IDH3A: variants seen among roughly 807,000 people sequenced by gnomAD.
IDH3A encodes isocitrate dehydrogenase [NAD] subunit alpha, mitochondrial.
In IDH3A, 23 loss-of-function variants were observed where a neutral mutation model predicts 43.3. The observed-to-expected ratio is 0.53, with a 90% CI of 0.38 to 0.75. IDH3A has a LOEUF of 0.75. IDH3A is among the 30% of genes least tolerant of loss of function. IDH3A has a pLI of 0.00. For synonymous variants in IDH3A, 154 were observed against 163.5 expected (o/e 0.94, Z 0.44); for missense variants, 329 against 474.4 (o/e 0.69, Z 2.85).
At position 78,166,135 on chromosome 15, in the gene IDH3A, T is replaced by C. The variant is rs771884150; in HGVS notation, c.865-15T>C. The C allele has an allele frequency of 6.8e-6, 11 of 1,611,956 alleles. No homozygotes were observed. Among genetic ancestry groups the C allele is most frequent in the Non-Finnish European group, 9.3e-6 (11 of 1,178,150 alleles). Reference sequence around the variant, plus strand: ...TTGTCTCTCCCTTGATGATGCTACTTTTCCCGATGTGTAGGTTCATGGGAC... The same window carrying C: ...TTGTCTCTCCCTTGATGATGCTACTCTTCCCGATGTGTAGGTTCATGGGAC... On this transcript the variant is annotated splice_polypyrimidine_tract_variant and intron_variant, in intron 9 of 10. Transcript: ENST00000299518.
At chr15:78,155,428 T>C in intron 2 of IDH3A, 153 bp downstream of exon 2, 1 of 532,224 alleles carries the variant, frequency 1.9e-6, no homozygotes, top group Non-Finnish European at 3.3e-6. Flanking sequence ...CTGGCTGACA[T>C]GCACAAATCT....
At position 78,165,070 on chromosome 15, in the gene IDH3A, TGA is replaced by T. The variant is rs1190662306; in HGVS notation, c.860_861del (p.Glu287ValfsTer35). 6.2e-7 allele frequency: 1 copy of T among 1,611,492 alleles called. No individual in the cohort carries two copies. The highest frequency in any genetic ancestry group is 1.3e-5 in the African/African-American group (1 of 74,874). On this transcript the variant is annotated frameshift_variant, in exon 9 of 11. Transcript: ENST00000299518. LOFTEE classifies it high-confidence loss of function. ...TTGGAGCCAATGGGGTTGCAATTTT[TGA>T]GTCGGTAAGGACCCTGACACCTGAA... ...NIGANGVAIFESVHGTAPDIA... is the reference protein window; with the variant it reads ...NIGANGVAIFXSVHGTAPDIA...
intron 6 of IDH3A, 91 bp downstream of exon 6, chr15:78,162,458 T>A: frequency 2.9e-6 from 4 of 1,365,880 alleles, no homozygotes; most frequent in Non-Finnish European, 4.0e-6. Context: ...GCTTGTTCCT[T>A]GATTCCTAAT....
intron 10 of IDH3A, chr15:78,168,617 A>G (rs2074779127): frequency 4.4e-6 from 1 of 227,736 alleles, no homozygotes; most frequent in African/African-American, 2.3e-5. Context: ...TCCATGACCA[A>G]CTAATCTGGG....
intron 9 of IDH3A, among the ~76,000 whole-genome samples, chr15:78,165,350 C>A (rs1705271196): frequency 6.6e-6 from 1 of 152,080 alleles, no homozygotes. Context: ...AGCCACCACA[C>A]CTGGCTAATT....
chr15:78,162,172 T>C (rs1214036160), intron 5 of IDH3A, 62 bp from the exon 6 acceptor site: 1 of 1,594,766 alleles, frequency 6.3e-7, no homozygotes, highest in South Asian at 1.1e-5. Context: ...CTCCCCACCC[T>C]CTGTCTCCCA....
intron 2 of IDH3A, chr15:78,156,808 A>G: frequency 1.0e-6 from 1 of 970,724 alleles, no homozygotes; most frequent in Non-Finnish European, 1.4e-6. Context: ...AAGCCTTAGA[A>G]TAAATCATTG....
chr15:78,166,410 C>A, intron 10 of IDH3A, 108 bp downstream of exon 10: 1 of 1,122,968 alleles, frequency 8.9e-7, no homozygotes, highest in Non-Finnish European at 1.3e-6. Flanking sequence ...CGGGCCCAAG[C>A]ATTTGATGTT....
chr15:78,157,457 C>T, intron 2 of IDH3A, 91 bp from the exon 3 acceptor site: 3 of 880,102 alleles, frequency 3.4e-6, no homozygotes, highest in South Asian at 1.7e-5. Flanking sequence ...TGAGACATCT[C>T]ATAAAGTGGA....
rs369849899 is a variant in IDH3A, at chr15:78,156,931, G to C, written c.91-617G>C. On this transcript the variant is annotated intron_variant, in intron 2 of 10. Coordinates refer to ENST00000299518, the MANE Select transcript of IDH3A (RefSeq NM_005530.3). ...AGATCAACTTTGCCAAGCTTATGTA[G>C]ATTACTCTTAGATTTAAGCAGACAG... The C allele has an allele frequency of 4.4e-4, 594 of 1,351,638 alleles. 2 individuals are homozygous for C. Among genetic ancestry groups the C allele is most frequent in the Non-Finnish European group, 5.0e-4 (512 of 1,021,588 alleles). The allele number at this position is 1,351,638 out of a possible 1,614,324, so 83.7% of individuals were successfully genotyped here. A position where few individuals can be genotyped will look rare whatever the true frequency, so the allele number is the denominator to read the frequency against.
intron 5 of IDH3A, 157 bp from the exon 6 acceptor site, chr15:78,162,077 A>T: frequency 1.4e-6 from 1 of 727,110 alleles, no homozygotes; most frequent in Non-Finnish European, 2.3e-6. Context: ...GGCTGGAGTT[A>T]ACATGAACCC....
At chr15:78,149,451 G>T in intron 1 of IDH3A, 21 bp downstream of exon 1, 3 of 1,533,204 alleles carry the variant, frequency 2.0e-6, no homozygotes, top group Non-Finnish European at 2.6e-6. Context: ...GCAGGCCGGC[G>T]TGTGGCAGGC....
At chr15:78,154,243 G>A (rs1400921531) in intron 1 of IDH3A, among the ~76,000 whole-genome samples, 2 of 150,280 alleles carry the variant, frequency 1.3e-5, no homozygotes, top group Non-Finnish European at 2.9e-5. Context: ...TGGGATTACT[G>A]GGTAACTTTT....
At chr15:78,157,237 G>GA in intron 2 of IDH3A, 3 of 971,688 alleles carry the variant, frequency 3.1e-6, no homozygotes, top group Non-Finnish European at 3.9e-6. Flanking sequence ...TCTCTTTGCA[G>GA]CTTGTCTGAA....
At chr15:78,162,199 C>G in intron 5 of IDH3A, 35 bp from the exon 6 acceptor site, 2 of 1,613,038 alleles carry the variant, frequency 1.2e-6, no homozygotes, top group Non-Finnish European at 1.7e-6. Flanking sequence ...TGCTGTCACA[C>G]TCTTTCCAGC....
In IDH3A at chr15:78,171,794, AT is replaced by A; in HGVS notation, c.*2790del. ...CACCTCTGAGAATAGGTTATAAAAG[AT>A]CAGTTTCTTTTATACACATAGGAAA... On this transcript the variant is annotated 3_prime_UTR_variant, in exon 11 of 11. Transcript: ENST00000299518. The A allele has an allele frequency of 3.2e-6, 1 of 312,412 alleles. No individual in the cohort carries two copies. 19.4% of individuals were successfully genotyped at this position (312,412 alleles called of 1,614,324 possible). A position where few individuals can be genotyped will look rare whatever the true frequency, so the allele number is the denominator to read the frequency against.
chr15:78,153,942 G>C (rs1324245858), intron 1 of IDH3A, among the ~76,000 whole-genome samples: 5 of 151,990 alleles, frequency 3.3e-5, no homozygotes, highest in Non-Finnish European at 5.9e-5. Flanking sequence ...CCCAGGAGGT[G>C]GTGGTTGCAG....
Position 78,163,504 on chromosome 15 carries a change from C to T in IDH3A, c.612-3C>T, listed in dbSNP as rs1324267110. The T allele has an allele frequency of 3.8e-6, 6 of 1,598,480 alleles. No individual in the cohort carries two copies. Among genetic ancestry groups the T allele is most frequent in the Non-Finnish European group, 5.1e-6 (6 of 1,167,638 alleles). On this transcript the variant is annotated splice_polypyrimidine_tract_variant and splice_region_variant and intron_variant, in intron 6 of 10. Coordinates refer to ENST00000299518, the MANE Select transcript of IDH3A (RefSeq NM_005530.3). The stretch of plus-strand genomic sequence containing the variant: ...TCAGCAGTTTTTATTTGATTAAATA[C>T]AGGCGGATGTCAGATGGGCTTTTTC...
At chr15:78,167,530 T>G (rs2074759596) in intron 10 of IDH3A, 1 of 152,230 alleles carries the variant, frequency 6.6e-6, no homozygotes, top group Admixed American at 6.5e-5. Flanking sequence ...AATTTGCCAT[T>G]TTAGCCGTAT....
Sources: gnomAD v4.1 joint callset for allele counts (sites outside exome capture counted in the v4.1 genomes callset) on GRCh38, gnomAD v4.1.1 for gene constraint, MANE v1.5 for transcripts, NCBI Gene and HGNC (gene_info 2026-07-23, HGNC 2026-07-21) for gene names.